Variants in JMJD1C observed in about 807,000 individuals in gnomAD.
JMJD1C encodes the protein jumonji domain-containing protein 1C.
JMJD1C carries 31 observed loss-of-function variants against 245.3 expected under a neutral mutation model. The ratio of observed to expected loss-of-function variants is 0.13; its 90% CI spans 0.09 to 0.17. JMJD1C has a LOEUF of 0.17. Among genes scored for constraint, JMJD1C ranks in the 10% least tolerant of loss-of-function variants. The probability of loss-of-function intolerance (pLI) is 1.00; values close to 1 mark genes in which losing one functional copy is unlikely to be tolerated. For missense variants in JMJD1C, 2,691 were observed against 3,000.2 expected (o/e 0.90, Z 2.41); for synonymous variants, 1,057 against 1,017.4 (o/e 1.04, Z -0.74).
chr10:63,330,088 G>A lies in JMJD1C; in HGVS notation c.333+50230C>T, dbSNP rs1033527302. On this transcript the variant is annotated intron_variant, in intron 2 of 25. Transcript: ENST00000399262. The stretch of plus-strand genomic sequence containing the variant: ...GCTAATTTTTTATATTTTTAGTAGA[G>A]ATGGGGTTTCACCATGTTGGCCAGG... 3.3e-5 allele frequency among the ~76,000 whole-genome samples: 5 copies of A among 151,890 alleles called. 1 individual carries two copies. In the South Asian group the frequency reaches 1.0e-3, roughly 32 times the overall value.
intron 1 of JMJD1C, among the ~76,000 whole-genome samples, chr10:63,459,352 G>C (rs1024082776): frequency 7.2e-5 from 11 of 152,140 alleles, no homozygotes; most frequent in Non-Finnish European, 1.0e-4. Flanking sequence ...CACTGACAGA[G>C]TATAAACTAG....
intron 1 of JMJD1C, among the ~76,000 whole-genome samples, chr10:63,408,364 T>C (rs995589330): frequency 6.6e-6 from 1 of 151,576 alleles, no homozygotes; most frequent in African/African-American, 2.4e-5. Flanking sequence ...GATCGCGCCA[T>C]TGCACTCCAG....
chr10:63,176,401 T>C lies in JMJD1C; in HGVS notation c.7297A>G (p.Lys2433Glu), dbSNP rs1842862956. 6.2e-7 allele frequency: 1 copy of C among 1,613,980 alleles called. No individual in the cohort carries two copies. Among genetic ancestry groups the C allele is most frequent in the African/African-American group, 1.3e-5 (1 of 74,932 alleles). ...PIRDQSWYVN[K>E]KLRQRLLEEY... ...TCAAGCAGCCTTTGACGGAGCTTTT[T>C]GTTCACATACCAACTTTGGTCACGT... Residue 2433 changes from lysine (K) to glutamate (E), a missense_variant, in exon 24 of 26, where the codon AAA (lysine) becomes GAA (glutamate). Transcript: ENST00000399262.
rs200646094 is a variant in JMJD1C at position 63,247,102 on chromosome 10, C to CA, written c.447+17548dup. ...AAGTGAGAACGGAAATAAACTGAGA[C>CA]AAAAAAAACAAAAACAAAAACAAAA... On this transcript the variant is annotated intron_variant, in intron 3 of 25. Coordinates refer to ENST00000399262, the MANE Select transcript of JMJD1C (RefSeq NM_032776.3). 3.8e-3 allele frequency among the ~76,000 whole-genome samples: 232 copies of CA among 60,936 alleles called. 1 individual carries two copies. Among genetic ancestry groups the CA allele is most frequent in the East Asian group, 0.018 (43 of 2,380 alleles). 40.0% of individuals were successfully genotyped at this position (60,936 alleles called of 152,430 possible). A position where few individuals can be genotyped will look rare whatever the true frequency, so the allele number is the denominator to read the frequency against.
At chr10:63,237,693 A>T (rs1173350846) in intron 3 of JMJD1C, among the ~76,000 whole-genome samples, 1 of 152,126 alleles carries the variant, frequency 6.6e-6, no homozygotes, top group African/African-American at 2.4e-5. Flanking sequence ...TCAGATTTTT[A>T]AAAATTCTGT....
chr10:63,320,074 T>A (rs1375445072), intron 2 of JMJD1C, among the ~76,000 whole-genome samples: 1 of 152,138 alleles, frequency 6.6e-6, no homozygotes, highest in Admixed American at 6.6e-5. Flanking sequence ...CTCAACTAAT[T>A]GTTATATTTT....
rs10607355 is a variant in JMJD1C, at chr10:63,243,103, T to TTATATATATATATATATATATATATA, written c.447+21547_447+21548insTATATATATATATATATATATATATA. Among the ~76,000 whole-genome samples, 548 of 119,618 alleles carry TTATATATATATATATATATATATATA rather than the reference T, an allele frequency of 4.6e-3. 6 individuals carry two copies. Among genetic ancestry groups the TTATATATATATATATATATATATATA allele is most frequent in the Non-Finnish European group, 5.9e-3 (332 of 55,920 alleles). 78.5% of individuals were successfully genotyped at this position (119,618 alleles called of 152,430 possible). ...AAGAGCCAAAATACACTAACATAAA[T>TTATATATATATATATATATATATATA]TATATATATATATATATATATAAAT... On this transcript the variant is annotated intron_variant, in intron 3 of 25. Transcript: ENST00000399262.
At chr10:63,407,854 T>C (rs1015578692) in intron 1 of JMJD1C, among the ~76,000 whole-genome samples, 1 of 149,414 alleles carries the variant, frequency 6.7e-6, no homozygotes, top group Admixed American at 6.7e-5. Context: ...TTTAGCAAAT[T>C]AAATTATGAT....
At chr10:63,493,779 C>T (rs1954258024) in intron 1 of JMJD1C, among the ~76,000 whole-genome samples, 1 of 152,204 alleles carries the variant, frequency 6.6e-6, no homozygotes, top group Middle Eastern at 3.4e-3. Context: ...AGATGAGTAG[C>T]CACTTTACAA....
chr10:63,430,318 G>C (rs190689980), intron 1 of JMJD1C, among the ~76,000 whole-genome samples: 1 of 152,230 alleles, frequency 6.6e-6, no homozygotes, highest in Non-Finnish European at 1.5e-5. Flanking sequence ...AAAAGCACAA[G>C]TAACAAAAGA....
intron 2 of JMJD1C, among the ~76,000 whole-genome samples, chr10:63,323,670 G>A (rs1316664905): frequency 6.6e-6 from 1 of 152,208 alleles, no homozygotes; most frequent in Non-Finnish European, 1.5e-5. Flanking sequence ...ATACTTAGAT[G>A]TGATATAAAA....
At chr10:63,519,388 T>C in intron 1 of JMJD1C, among the ~76,000 whole-genome samples, 1 of 152,220 alleles carries the variant, frequency 6.6e-6, no homozygotes, top group East Asian at 1.9e-4. Context: ...CCAATGTACG[T>C]GGCTGAAATT....
chr10:63,306,430 C>T (rs919990499), intron 2 of JMJD1C, among the ~76,000 whole-genome samples: 1 of 152,110 alleles, frequency 6.6e-6, no homozygotes, highest in African/African-American at 2.4e-5. Context: ...TTTTTGGATC[C>T]TATGGTCTCA....
intron 2 of JMJD1C, among the ~76,000 whole-genome samples, chr10:63,267,511 G>A (rs1257654597): frequency 6.6e-6 from 1 of 152,178 alleles, no homozygotes; most frequent in Middle Eastern, 3.4e-3. Context: ...AAAGAAACTA[G>A]AACTCATGCA....
intron 5 of JMJD1C, 56 bp downstream of exon 5, chr10:63,217,151 G>A (rs367970598): frequency 1.4e-6 from 2 of 1,458,784 alleles, no homozygotes; most frequent in Non-Finnish European, 1.9e-6. Context: ...ATTTTGGGGG[G>A]CATGGATGAT....
intron 1 of JMJD1C, among the ~76,000 whole-genome samples, chr10:63,507,309 G>A (rs1249926701): frequency 6.6e-6 from 1 of 152,162 alleles, no homozygotes; most frequent in Non-Finnish European, 1.5e-5. Flanking sequence ...ATGGTTAAGA[G>A]TATGTTTAGT....
At chr10:63,292,143 G>GTTTTTTTTTTTTTTT (rs1396774570) in intron 2 of JMJD1C, among the ~76,000 whole-genome samples, 3 of 13,538 alleles carry the variant, frequency 2.2e-4, no homozygotes, top group South Asian at 1.6e-3. Flanking sequence ...TGTAGAGACA[G>GTTTTTTTTTTTTTTT]ATTTTTTTTT....
At chr10:63,414,467 TG>T (rs1399864289) in intron 1 of JMJD1C, among the ~76,000 whole-genome samples, 2 of 152,146 alleles carry the variant, frequency 1.3e-5, no homozygotes, top group African/African-American at 4.8e-5. Context: ...GGCCAGAGTT[TG>T]TTCCCCGTAA....
intron 3 of JMJD1C, among the ~76,000 whole-genome samples, chr10:63,254,878 G>A (rs1439673823): frequency 6.7e-6 from 1 of 148,818 alleles, no homozygotes; most frequent in South Asian, 2.1e-4. Flanking sequence ...TTATGAGATA[G>A]GGTCTCCCTC....
Sources: gnomAD v4.1 joint callset for allele counts (sites outside exome capture counted in the v4.1 genomes callset) on GRCh38, gnomAD v4.1.1 for gene constraint, MANE v1.5 for transcripts, NCBI Gene and HGNC (gene_info 2026-07-23, HGNC 2026-07-21) for gene names.